Variants in NEK11 observed in about 807,000 individuals in gnomAD.
The protein encoded by NEK11 is NIMA related kinase 11.
A neutral mutation model predicts 80.7 loss-of-function variants in NEK11; 72 were observed. The observed-to-expected ratio is 0.89, with a 90% CI of 0.74 to 1.08. The LOEUF (loss-of-function observed/expected upper bound fraction) is 1.08. NEK11 is among the 50% of genes least tolerant of loss of function. The probability of loss-of-function intolerance (pLI) is 0.00; values close to 1 mark genes in which losing one functional copy is unlikely to be tolerated. For missense variants in NEK11, 764 were observed against 763.6 expected (o/e 1.00, Z -0.01); for synonymous variants, 251 against 260.7 (o/e 0.96, Z 0.36).
At chr3:131,181,846 A>G (rs1309209550) in intron 14 of NEK11, among the ~76,000 whole-genome samples, 6 of 151,520 alleles carry the variant, frequency 4.0e-5, no homozygotes, top group Admixed American at 2.6e-4. Context: ...TAATACAGCT[A>G]TATTGGATTA....
chr3:131,166,624 T>A (rs140180848), intron 12 of NEK11, among the ~76,000 whole-genome samples: 2 of 152,284 alleles, frequency 1.3e-5, no homozygotes, highest in East Asian at 3.9e-4. Context: ...ATGTGCTCAA[T>A]TCCATCCCCC....
intron 3 of NEK11, among the ~76,000 whole-genome samples, chr3:131,048,243 T>G (rs533165805): frequency 6.6e-6 from 1 of 152,166 alleles, no homozygotes; most frequent in African/African-American, 2.4e-5. Context: ...GTTCTGTGTT[T>G]CCCCACCTGC....
chr3:131,267,744 C>T (rs534397157), intron 16 of NEK11, among the ~76,000 whole-genome samples: 5 of 152,082 alleles, frequency 3.3e-5, no homozygotes, highest in Admixed American at 6.5e-5. Flanking sequence ...CTGACGATTG[C>T]GTGTCTCGGG....
At position 131,349,697 on chromosome 3, in the gene NEK11, A is replaced by G; in HGVS notation, c.1859A>G (p.Glu620Gly). 2 of 1,614,154 alleles carry G rather than the reference A, an allele frequency of 1.2e-6. No homozygotes were observed. Among genetic ancestry groups the G allele is most frequent in the Non-Finnish European group, 1.7e-6 (2 of 1,179,952 alleles). The change falls in exon 18 of 18, where the codon GAA (glutamate) becomes GGA (glycine). Residue 620 changes from glutamate (E) to glycine (G), a missense_variant. By Grantham distance (98) the Glu-to-Gly change is moderately conservative (BLOSUM62 -2). Coordinates refer to ENST00000383366, the MANE Select transcript of NEK11 (RefSeq NM_024800.5). ...KVVPQASDCF[E>G]VDQLLYFEEQ... ...GTGCCTCAAGCCAGCGACTGTTTTGAAGTGGACCAGCTCCTGTACTTTGAA... is the reference window on the plus strand; with the variant it reads ...GTGCCTCAAGCCAGCGACTGTTTTGGAGTGGACCAGCTCCTGTACTTTGAA...
intron 17 of NEK11, among the ~76,000 whole-genome samples, chr3:131,338,705 T>G (rs1370552639): frequency 6.6e-6 from 1 of 152,196 alleles, no homozygotes; most frequent in African/African-American, 2.4e-5. Context: ...TAGATGAATC[T>G]CAAAGATGCT....
intron 11 of NEK11, among the ~76,000 whole-genome samples, chr3:131,164,611 G>A (rs983423379): frequency 6.6e-6 from 1 of 151,710 alleles, no homozygotes; most frequent in African/African-American, 2.4e-5. Context: ...CATTAAAACT[G>A]TTTTTTAATA....
At chr3:131,090,980 T>A (rs1021771577) in intron 4 of NEK11, among the ~76,000 whole-genome samples, 2 of 152,156 alleles carry the variant, frequency 1.3e-5, no homozygotes, top group Non-Finnish European at 2.9e-5. Context: ...CCCAGGCTGG[T>A]TTCAAGCTCC....
At chr3:131,047,532 G>A (rs1560159085) in intron 3 of NEK11, among the ~76,000 whole-genome samples, 1 of 152,170 alleles carries the variant, frequency 6.6e-6, no homozygotes, top group Non-Finnish European at 1.5e-5. Context: ...GACCTGCAGT[G>A]GTTGTTATTT....
intron 14 of NEK11, among the ~76,000 whole-genome samples, chr3:131,184,044 C>T (rs1416558782): frequency 2.0e-5 from 3 of 152,158 alleles, no homozygotes; most frequent in East Asian, 1.9e-4. Context: ...TTCGATGCCT[C>T]GCCTCTTACT....
rs187612327 is a variant in NEK11, at chr3:131,248,964, G to A, written c.1621+5468G>A. 7.4e-3 allele frequency among the ~76,000 whole-genome samples: 1,116 copies of A among 151,430 alleles called. 6 individuals are homozygous for A. Among genetic ancestry groups the A allele is most frequent in the Non-Finnish European group, 0.012 (792 of 67,874 alleles). ...GATTCCACTGCTAAAAATTGAAATA[G>A]CACTGATTGAATAGTTAATATCCAA... On this transcript the variant is annotated intron_variant, in intron 16 of 17. Coordinates refer to ENST00000383366, the MANE Select transcript of NEK11 (RefSeq NM_024800.5).
chr3:131,037,866 T>C (rs1275197928), intron 3 of NEK11, among the ~76,000 whole-genome samples: 3 of 152,234 alleles, frequency 2.0e-5, no homozygotes, highest in African/African-American at 4.8e-5. Flanking sequence ...TTATTAAAGC[T>C]ACTATTTCTA....
Position 131,097,439 on chromosome 3 carries a change from A to G in NEK11, c.337-12364A>G, listed in dbSNP as rs1236035355. Among the ~76,000 whole-genome samples the G allele has an allele frequency of 3.3e-5, 5 of 152,052 alleles. No individual in the cohort carries two copies. In the East Asian group the frequency reaches 9.7e-4, roughly 29 times the overall value. Reference sequence around the variant, plus strand: ...AATGATTGCCATTCTAACTGGTGTGAGATGGTATCTCATTGTGGTTTTGAT... The same window carrying G: ...AATGATTGCCATTCTAACTGGTGTGGGATGGTATCTCATTGTGGTTTTGAT... On this transcript the variant is annotated intron_variant, in intron 4 of 17. Coordinates refer to ENST00000383366, the MANE Select transcript of NEK11 (RefSeq NM_024800.5).
chr3:131,330,806 C>T (rs1174503819), intron 17 of NEK11: 1 of 151,832 alleles, frequency 6.6e-6, no homozygotes, highest in Non-Finnish European at 1.5e-5. Context: ...ATTTGTTTCT[C>T]ACAGTTCTGG....
intron 14 of NEK11, among the ~76,000 whole-genome samples, chr3:131,203,466 T>C (rs2094321639): frequency 6.7e-6 from 1 of 148,742 alleles, no homozygotes. Flanking sequence ...CATTAGGAGA[T>C]ATACCTAATG....
At chr3:131,101,418 G>C (rs928991467) in intron 4 of NEK11, among the ~76,000 whole-genome samples, 1 of 152,094 alleles carries the variant, frequency 6.6e-6, no homozygotes, top group Non-Finnish European at 1.5e-5. Context: ...GGAGATTTTG[G>C]TATGTTGTGT....
At chr3:131,091,978 C>T (rs1560356974) in intron 4 of NEK11, among the ~76,000 whole-genome samples, 1 of 152,196 alleles carries the variant, frequency 6.6e-6, no homozygotes, top group Admixed American at 6.5e-5. Context: ...ATTTGGCTGC[C>T]TGTGATTGGC....
intron 15 of NEK11, among the ~76,000 whole-genome samples, chr3:131,241,523 T>C (rs542815940): frequency 5.9e-5 from 9 of 152,212 alleles, no homozygotes; most frequent in African/African-American, 1.9e-4. Flanking sequence ...CAAACAATGT[T>C]TTTAAAATGC....
chr3:131,194,883 C>G (rs955332847), intron 14 of NEK11, among the ~76,000 whole-genome samples: 8 of 152,264 alleles, frequency 5.3e-5, no homozygotes, highest in African/African-American at 1.9e-4. Flanking sequence ...TTGAATCTAG[C>G]CTTCCTACAC....
chr3:131,251,091 A>G (rs1375969071), intron 16 of NEK11, among the ~76,000 whole-genome samples: 3 of 151,774 alleles, frequency 2.0e-5, no homozygotes, highest in African/African-American at 4.8e-5. Flanking sequence ...AAAGAACAAA[A>G]TTAACATTCC....
Sources: gnomAD v4.1 joint callset for allele counts (sites outside exome capture counted in the v4.1 genomes callset) on GRCh38, gnomAD v4.1.1 for gene constraint, MANE v1.5 for transcripts, NCBI Gene and HGNC (gene_info 2026-07-23, HGNC 2026-07-21) for gene names.